The following USP6NL variants were observed in gnomAD, a reference collection of about 807,000 sequenced individuals.
The protein encoded by USP6NL is USP6 N-terminal-like protein.
In USP6NL, 26 loss-of-function variants were observed where a neutral mutation model predicts 61.9. The ratio of observed to expected loss-of-function variants is 0.42; its 90% CI spans 0.31 to 0.58. USP6NL has a LOEUF of 0.58. Among genes scored for constraint, USP6NL ranks in the 20% least tolerant of loss-of-function variants. USP6NL has a pLI of 0.16. For missense variants in USP6NL, 1,114 were observed against 1,034.3 expected, an observed-to-expected ratio of 1.08 and a Z score of -1.06; for synonymous variants, 432 against 390.1, an observed-to-expected ratio of 1.11 and a Z score of -1.27.
chr10:11,499,634 C>T lies in USP6NL; in HGVS notation c.384+1467G>A, dbSNP rs574522216. On this transcript the variant is annotated intron_variant, in intron 7 of 14. Transcript: ENST00000609104. This position sits in a 1 kb window ranked among gnomAD's most constrained non-coding sequence, Gnocchi z 4.5. ...ACACATTCACAGGAGGGAGGATAGC[C>T]AGGTGATAAGGAAGACAGGGATGGA... is the stretch of plus-strand genomic sequence containing the variant. Among the ~76,000 whole-genome samples, 1 of 152,240 alleles carries T rather than the reference C, an allele frequency of 6.6e-6. No individual in the cohort carries two copies. The highest frequency in any genetic ancestry group is 1.9e-4 in the East Asian group (1 of 5,172).
At chr10:11,555,454 A>G (rs1389245553) in intron 2 of USP6NL, among the ~76,000 whole-genome samples, 1 of 98,702 alleles carries the variant, frequency 1.0e-5, no homozygotes, top group Admixed American at 1.1e-4. Flanking sequence ...ATATATATAG[A>G]GAGAGAGAGA....
intron 2 of USP6NL, among the ~76,000 whole-genome samples, chr10:11,590,346 T>C (rs1838122396): frequency 6.6e-6 from 1 of 152,116 alleles, no homozygotes. Flanking sequence ...TTCTGTACAA[T>C]GGCACCCATC....
At chr10:11,507,127 T>C (rs760545132) in intron 6 of USP6NL, among the ~76,000 whole-genome samples, 1 of 152,220 alleles carries the variant, frequency 6.6e-6, no homozygotes, top group Non-Finnish European at 1.5e-5. Context: ...GTCAGAATAA[T>C]AGCCCAGTAG....
rs180899211 is a variant in USP6NL, at chr10:11,562,658, A to T, written c.4+34973T>A. ...CCTCTAATTATTTGTGACACTCAAC[A>T]TTCATATGTTGTTAGCCACTTGTAT... On this transcript the variant is annotated intron_variant, in intron 2 of 14. Coordinates refer to ENST00000609104, the MANE Select transcript of USP6NL (RefSeq NM_014688.5). The surrounding 1 kb of genome is among the most constrained non-coding windows in gnomAD (Gnocchi z 4.8). The T allele has an allele frequency of 4.3e-5, 42 of 985,426 alleles. No homozygotes were observed. The highest frequency in any genetic ancestry group is 5.2e-4 in the Middle Eastern group (1 of 1,912). The allele number at this position is 985,426 out of a possible 1,614,324, so 61.0% of individuals were successfully genotyped here. A position where few individuals can be genotyped will look rare whatever the true frequency, so the allele number is the denominator to read the frequency against.
chr10:11,493,233 A>T lies in USP6NL; in HGVS notation c.385-5T>A. ...CCGTGCTCTGTGTTTTAATTTCTGA[A>T]GAGAGAAAGAGAGAACAGAACAGAT... On this transcript the variant is annotated splice_region_variant and splice_polypyrimidine_tract_variant and intron_variant, in intron 7 of 14. Coordinates refer to ENST00000609104, the MANE Select transcript of USP6NL (RefSeq NM_014688.5). 1 of 1,594,086 alleles carries T rather than the reference A, an allele frequency of 6.3e-7. No individual in the cohort carries two copies. The highest frequency in any genetic ancestry group is 8.6e-7 in the Non-Finnish European group (1 of 1,167,370).
At chr10:11,539,710 T>C (rs1029817923) in intron 2 of USP6NL, among the ~76,000 whole-genome samples, 2 of 152,224 alleles carry the variant, frequency 1.3e-5, no homozygotes, top group Admixed American at 1.3e-4. Flanking sequence ...TTAGCTGCTT[T>C]TGCAGCAGTA....
Position 11,548,723 on chromosome 10 carries a change from A to G in USP6NL, c.5-21156T>C, listed in dbSNP as rs1836371361. On this transcript the variant is annotated intron_variant, in intron 2 of 14. Coordinates refer to ENST00000609104, the MANE Select transcript of USP6NL (RefSeq NM_014688.5). The surrounding 1 kb of genome is among the most constrained non-coding windows in gnomAD (Gnocchi z 4.3). ...TAATTTAACTATGGTCTATCAATCA[A>G]TTATAAAATCTATATATGACCTATA... Among the ~76,000 whole-genome samples, 1 of 152,196 alleles carries G rather than the reference A, an allele frequency of 6.6e-6. No homozygotes were observed. Among genetic ancestry groups the G allele is most frequent in the Non-Finnish European group, 1.5e-5 (1 of 68,018 alleles).
chr10:11,509,119 T>C (rs1416407667), intron 6 of USP6NL, among the ~76,000 whole-genome samples: 3 of 152,224 alleles, frequency 2.0e-5, no homozygotes, highest in Admixed American at 6.5e-5. Context: ...AAGGGGAGGT[T>C]TGCTAGAAGC....
Position 11,463,222 on chromosome 10 carries a change from A to T in USP6NL, c.1706T>A (p.Leu569Gln). The T allele has an allele frequency of 6.2e-7, 1 of 1,613,438 alleles. No individual in the cohort carries two copies. Among genetic ancestry groups the T allele is most frequent in the Non-Finnish European group, 8.5e-7 (1 of 1,179,884 alleles). Residue 569 changes from leucine (L) to glutamine (Q), a missense_variant, in exon 15 of 15, where the codon CTG (leucine) becomes CAG (glutamine). Physicochemically the swap from Leu to Gln is moderately radical, Grantham distance 113 (BLOSUM62 -2). Transcript: ENST00000609104. This position sits in a 1 kb window ranked among gnomAD's most constrained non-coding sequence, Gnocchi z 6.3. ...LDSGASVEEA[L>Q]ERAYSQSPRH... ...GGGGCTCTGGGAGTAAGCCCTTTCC[A>T]GCGCCTCCTCCACGGAAGCGCCGCT...
chr10:11,485,516 T>C lies in USP6NL; in HGVS notation c.760-282A>G, dbSNP rs566245467. 6.6e-6 allele frequency among the ~76,000 whole-genome samples: 1 copy of C among 152,288 alleles called. No homozygotes were observed. Among genetic ancestry groups the C allele is most frequent in the East Asian group, 1.9e-4 (1 of 5,178 alleles). ...GAGTTTCTGTGACCCTGAAAAAATA[T>C]TTTTTGTACAATGAAAAAACCTCCA... On this transcript the variant is annotated intron_variant, in intron 11 of 14. Coordinates refer to ENST00000609104, the MANE Select transcript of USP6NL (RefSeq NM_014688.5). The surrounding 1 kb of genome is among the most constrained non-coding windows in gnomAD (Gnocchi z 4.8).
chr10:11,566,507 A>G (rs1009322688), intron 2 of USP6NL, among the ~76,000 whole-genome samples: 4 of 152,162 alleles, frequency 2.6e-5, no homozygotes, highest in African/African-American at 9.7e-5. Context: ...TATTAATCCA[A>G]TTTTACATAT....
rs957668358 is a variant in USP6NL, at chr10:11,470,705, A to C, written c.1079-6856T>G. ...ATCTCCTTTCACCCCTAAGCAACTA[A>C]CTGTAACTAAAACATTCACACATAA... On this transcript the variant is annotated intron_variant, in intron 14 of 14. Coordinates refer to ENST00000609104, the MANE Select transcript of USP6NL (RefSeq NM_014688.5). The surrounding 1 kb of genome is among the most constrained non-coding windows in gnomAD (Gnocchi z 5.4). Among the ~76,000 whole-genome samples, 1 of 152,218 alleles carries C rather than the reference A, an allele frequency of 6.6e-6. No individual in the cohort carries two copies. Among genetic ancestry groups the C allele is most frequent in the African/African-American group, 2.4e-5 (1 of 41,458 alleles).
Position 11,485,154 on chromosome 10 carries a change from T to A in USP6NL, c.825+15A>T. The A allele has an allele frequency of 1.3e-6, 2 of 1,539,880 alleles. No homozygotes were observed. Among genetic ancestry groups the A allele is most frequent in the African/African-American group, 2.8e-5 (2 of 72,406 alleles). ...TTTATAATTTTATGACTGAGTTTTG[T>A]AAATAAATACTTACACGATCAAGGA... On this transcript the variant is annotated intron_variant, in intron 12 of 14. Coordinates refer to ENST00000609104, the MANE Select transcript of USP6NL (RefSeq NM_014688.5). The surrounding 1 kb of genome is among the most constrained non-coding windows in gnomAD (Gnocchi z 4.8).
intron 6 of USP6NL, among the ~76,000 whole-genome samples, chr10:11,505,671 T>C (rs1026069697): frequency 6.6e-6 from 1 of 152,204 alleles, no homozygotes; most frequent in Non-Finnish European, 1.5e-5. Flanking sequence ...TTTAAAAATC[T>C]ATGGACTTAA....
chr10:11,597,913 G>C lies in USP6NL; in HGVS notation c.-83-196C>G, dbSNP rs1467555179. On this transcript the variant is annotated intron_variant, in intron 1 of 14. Coordinates refer to ENST00000609104, the MANE Select transcript of USP6NL (RefSeq NM_014688.5). The surrounding 1 kb of genome is among the most constrained non-coding windows in gnomAD (Gnocchi z 4.6). The stretch of plus-strand genomic sequence containing the variant: ...TGTTGAATTCGTGTTTTCCTCTTTT[G>C]GAATAAGTTACTTCAAATTTAAGTG... 6.6e-6 allele frequency among the ~76,000 whole-genome samples: 1 copy of C among 152,034 alleles called. No homozygotes were observed. Among genetic ancestry groups the C allele is most frequent in the African/African-American group, 2.4e-5 (1 of 41,366 alleles).
At chr10:11,546,199 C>T (rs1267733005) in intron 2 of USP6NL, among the ~76,000 whole-genome samples, 2 of 152,138 alleles carry the variant, frequency 1.3e-5, no homozygotes, top group African/African-American at 2.4e-5. Flanking sequence ...TTTTTAAATC[C>T]TTACCATAAG....
At chr10:11,554,352 T>G (rs1836601332) in intron 2 of USP6NL, among the ~76,000 whole-genome samples, 1 of 152,134 alleles carries the variant, frequency 6.6e-6, no homozygotes, top group African/African-American at 2.4e-5. Context: ...CTTTAACTCC[T>G]CAAAGCATCT....
chr10:11,503,765 T>C (rs1449365237), intron 6 of USP6NL, among the ~76,000 whole-genome samples: 1 of 152,226 alleles, frequency 6.6e-6, no homozygotes, highest in African/African-American at 2.4e-5. Flanking sequence ...CATTTAATTA[T>C]ACTAACAATT....
chr10:11,562,239 C>A lies in USP6NL; in HGVS notation c.5-34672G>T, dbSNP rs1484860428. Among the ~76,000 whole-genome samples the A allele has an allele frequency of 6.9e-6, 1 of 145,602 alleles. No homozygotes were observed. The highest frequency in any genetic ancestry group is 2.1e-4 in the South Asian group (1 of 4,696). ...ATCGCACCACTGCACGCCAGCCTGGCGGACAGTGCAAGACTCCATCTCAAA... is the reference window on the plus strand; with the variant it reads ...ATCGCACCACTGCACGCCAGCCTGGAGGACAGTGCAAGACTCCATCTCAAA... On this transcript the variant is annotated intron_variant, in intron 2 of 14. Coordinates refer to ENST00000609104, the MANE Select transcript of USP6NL (RefSeq NM_014688.5). The surrounding 1 kb of genome is among the most constrained non-coding windows in gnomAD (Gnocchi z 4.8).
Sources: gnomAD v4.1 joint callset for allele counts (sites outside exome capture counted in the v4.1 genomes callset) on GRCh38, gnomAD v4.1.1 for gene constraint, Gnocchi (gnomAD v3.1) non-coding constraint, MANE v1.5 for transcripts, NCBI Gene and HGNC (gene_info 2026-07-23, HGNC 2026-07-21) for gene names.